The following PREP variants were observed in gnomAD, a reference collection of about 807,000 sequenced individuals.
The protein encoded by PREP is dJ355L5.1 (prolyl endopeptidase).
In PREP, 29 loss-of-function variants were observed where a neutral mutation model predicts 87.6. That is an observed-to-expected ratio of 0.33 (90% confidence interval 0.25 to 0.45). The LOEUF is 0.45. Among genes scored for constraint, PREP ranks in the 20% least tolerant of loss-of-function variants. The probability of loss-of-function intolerance (pLI) is 1.00; values close to 1 mark genes in which losing one functional copy is unlikely to be tolerated. For missense variants in PREP, 695 were observed against 886.5 expected (o/e 0.78, Z 2.74); for synonymous variants, 337 against 328.6 (o/e 1.03, Z -0.28).
chr6:105,300,403 C>A (rs1157830817), intron 10 of PREP, among the ~76,000 whole-genome samples: 1 of 152,010 alleles, frequency 6.6e-6, no homozygotes, highest in Non-Finnish European at 1.5e-5. Context: ...GGCCATTCTA[C>A]CAAAAAAATT....
At chr6:105,339,096 C>A (rs1192918792) in intron 7 of PREP, among the ~76,000 whole-genome samples, 3 of 152,198 alleles carry the variant, frequency 2.0e-5, no homozygotes, top group Non-Finnish European at 4.4e-5. Flanking sequence ...TAAAGTGGGT[C>A]CCTGACCCCT....
At chr6:105,295,229 C>A (rs891586775) in intron 10 of PREP, among the ~76,000 whole-genome samples, 9 of 150,422 alleles carry the variant, frequency 6.0e-5, no homozygotes, top group Admixed American at 6.0e-4. Flanking sequence ...CTATCCCTCA[C>A]AGGGTCCATC....
At chr6:105,373,998 T>C (rs921128834) in intron 4 of PREP, among the ~76,000 whole-genome samples, 7 of 152,190 alleles carry the variant, frequency 4.6e-5, no homozygotes, top group South Asian at 2.1e-4. Context: ...TACCATATAA[T>C]AGAACTAAAT....
rs573238804 is a variant in PREP, at chr6:105,335,283, T to C, written c.824-1778A>G. Among the ~76,000 whole-genome samples the C allele has an allele frequency of 2.0e-5, 3 of 152,358 alleles. No homozygotes were observed. In the East Asian group the frequency reaches 5.8e-4, roughly 29 times the overall value. ...ACTACTAAAAGGCAATGACTGATCT[T>C]AGCTATTCTCCAATTATCTACTTTT... On this transcript the variant is annotated intron_variant, in intron 7 of 14. Transcript: ENST00000652536.
At chr6:105,383,759 G>T (rs1295478443) in intron 2 of PREP, among the ~76,000 whole-genome samples, 1 of 152,080 alleles carries the variant, frequency 6.6e-6, no homozygotes, top group Non-Finnish European at 1.5e-5. Flanking sequence ...ACTCCGACCT[G>T]ATATTCAAGC....
At position 105,278,060 on chromosome 6, in the gene PREP, CATT is replaced by C; in HGVS notation, c.*81_*83del. 6.7e-7 allele frequency: 1 copy of C among 1,482,526 alleles called. No individual in the cohort carries two copies. Among genetic ancestry groups the C allele is most frequent in the Non-Finnish European group, 9.2e-7 (1 of 1,086,388 alleles). The allele number at this position is 1,482,526 out of a possible 1,614,324, so 91.8% of individuals were successfully genotyped here. On this transcript the variant is annotated 3_prime_UTR_variant, in exon 15 of 15. Coordinates refer to ENST00000652536, the MANE Select transcript of PREP (RefSeq NM_002726.5). This position sits in a 1 kb window ranked among gnomAD's most constrained non-coding sequence, Gnocchi z 4.2. The stretch of plus-strand genomic sequence containing the variant: ...CAGGAATAATGTTCCCGTGGGGAAG[CATT>C]ATGCCCAGTGGTTTCTTGGTGTCAA...
At chr6:105,280,001 A>C (rs940515754) in intron 14 of PREP, among the ~76,000 whole-genome samples, 1 of 152,238 alleles carries the variant, frequency 6.6e-6, no homozygotes, top group Non-Finnish European at 1.5e-5. Context: ...AAAAGTAATA[A>C]CTTTCATAGT....
chr6:105,326,053 A>T (rs576358058), intron 9 of PREP, among the ~76,000 whole-genome samples: 2 of 152,210 alleles, frequency 1.3e-5, no homozygotes, highest in Non-Finnish European at 2.9e-5. Flanking sequence ...TCACGTATGT[A>T]AAAAGGCGGC....
chr6:105,400,109 C>T (rs1019794587), intron 1 of PREP, among the ~76,000 whole-genome samples: 8 of 152,180 alleles, frequency 5.3e-5, no homozygotes, highest in Non-Finnish European at 7.3e-5. Flanking sequence ...CAACTTTCCA[C>T]CTCCAATTTT....
intron 10 of PREP, among the ~76,000 whole-genome samples, chr6:105,295,366 T>C (rs1770387899): frequency 6.6e-6 from 1 of 152,112 alleles, no homozygotes; most frequent in South Asian, 2.1e-4. Flanking sequence ...TTTCAATTAT[T>C]ACAGCTTTTG....
Position 105,275,944 on chromosome 6 carries a change from T to C in PREP, c.*2200A>G, listed in dbSNP as rs1351088423. 1.3e-5 allele frequency among the ~76,000 whole-genome samples: 2 copies of C among 152,156 alleles called. No homozygotes were observed. Among genetic ancestry groups the C allele is most frequent in the Admixed American group, 1.3e-4 (2 of 15,278 alleles). On this transcript the variant is annotated 3_prime_UTR_variant, in exon 15 of 15. Coordinates refer to ENST00000652536, the MANE Select transcript of PREP (RefSeq NM_002726.5). ...CAAATATACAGTTTGAAAGAAGACC[T>C]AGTGTTAGATCAGTAGGGTGTCTAT...
chr6:105,278,445 G>A lies in PREP; in HGVS notation c.1839-7C>T. ...ATTATGCAATGGAGAGTATCTGGAA[G>A]GCAAAAACACCTTTGTGAGGCTGGA... On this transcript the variant is annotated splice_region_variant and splice_polypyrimidine_tract_variant and intron_variant, in intron 14 of 14. Coordinates refer to ENST00000652536, the MANE Select transcript of PREP (RefSeq NM_002726.5). This position sits in a 1 kb window ranked among gnomAD's most constrained non-coding sequence, Gnocchi z 4.2. 6.2e-7 allele frequency: 1 copy of A among 1,603,752 alleles called. No homozygotes were observed. The highest frequency in any genetic ancestry group is 1.1e-5 in the South Asian group (1 of 90,400).
At chr6:105,334,713 T>TCAACAACAACAACAACAACAA (rs573991003) in intron 7 of PREP, among the ~76,000 whole-genome samples, 15,576 of 149,958 alleles carry the variant, frequency 0.1, 1,105 homozygotes, top group African/African-American at 0.2. Context: ...AGACTCTGTC[T>TCAACAACAACAACAACAACAA]CAACAACAAC....
intron 7 of PREP, 36 bp from the exon 8 acceptor site, chr6:105,333,541 A>G (rs1246730664): frequency 1.9e-6 from 3 of 1,598,398 alleles, no homozygotes; most frequent in African/African-American, 1.3e-5. Flanking sequence ...CATCTCTCTA[A>G]TGTTTAAAAA....
intron 6 of PREP, among the ~76,000 whole-genome samples, chr6:105,359,381 A>C (rs996098171): frequency 2.0e-5 from 3 of 152,182 alleles, no homozygotes; most frequent in African/African-American, 7.2e-5. Context: ...AGTTCTGAGA[A>C]GGCTTTTGGG....
intron 7 of PREP, among the ~76,000 whole-genome samples, chr6:105,352,028 TCAGA>T (rs1436340020): frequency 6.6e-6 from 1 of 152,206 alleles, no homozygotes; most frequent in Non-Finnish European, 1.5e-5. Context: ...CGATGCTCAA[TCAGA>T]CAAATATTTT....
intron 10 of PREP, among the ~76,000 whole-genome samples, chr6:105,291,951 T>C (rs1770305242): frequency 5.3e-5 from 8 of 152,212 alleles, no homozygotes; most frequent in Admixed American, 5.2e-4. Flanking sequence ...AAAAAGCAAC[T>C]CCTTATCCAT....
intron 6 of PREP, among the ~76,000 whole-genome samples, chr6:105,367,589 G>A (rs959568120): frequency 2.7e-5 from 4 of 150,882 alleles, no homozygotes; most frequent in African/African-American, 9.8e-5. Flanking sequence ...GGAGAATGGC[G>A]TGAACCCGGG....
rs373621091 is a variant in PREP, at chr6:105,295,137, G to A, written c.1318-6243C>T. Among the ~76,000 whole-genome samples, 6 of 148,426 alleles carry A rather than the reference G, an allele frequency of 4.0e-5. No individual in the cohort carries two copies. In the East Asian group the frequency reaches 1.0e-3, roughly 25 times the overall value. ...TCTTTTCCCACCTAAATCAATTCAAGAGTAGTTTCCAATGTTTTCCTTTTT... is the reference window on the plus strand; with the variant it reads ...TCTTTTCCCACCTAAATCAATTCAAAAGTAGTTTCCAATGTTTTCCTTTTT... On this transcript the variant is annotated intron_variant, in intron 10 of 14. Coordinates refer to ENST00000652536, the MANE Select transcript of PREP (RefSeq NM_002726.5).
Sources: allele counts gnomAD v4.1 joint callset (sites outside exome capture counted in the v4.1 genomes callset), GRCh38; gene constraint gnomAD v4.1.1; non-coding constraint Gnocchi (gnomAD v3.1); transcripts MANE v1.5; gene names NCBI Gene and HGNC (gene_info 2026-07-23, HGNC 2026-07-21).